Variants in CUX2 observed in about 807,000 individuals in gnomAD.
CUX2 encodes homeobox protein cut-like 2.
In CUX2, 40 loss-of-function variants were observed where a neutral mutation model predicts 144.8. That is an observed-to-expected ratio of 0.28 (90% CI 0.21 to 0.36). The LOEUF is 0.36. Among genes scored for constraint, CUX2 ranks in the 10% least tolerant of loss-of-function variants. CUX2 has a pLI of 1.00. For synonymous variants in CUX2, 827 were observed against 875.6 expected (o/e 0.94, Z 0.98); for missense variants, 1,615 against 1,994.0 (o/e 0.81, Z 3.62).
At chr12:111,253,065 A>T (rs1427443032) in intron 3 of CUX2, among the ~76,000 whole-genome samples, 1 of 151,806 alleles carries the variant, frequency 6.6e-6, no homozygotes, top group East Asian at 1.9e-4. Flanking sequence ...CACTGCCACC[A>T]TCCTGCTCTG....
At chr12:111,296,571 C>A (rs533735559) in intron 8 of CUX2, 32 bp downstream of exon 8, 3 of 1,586,040 alleles carry the variant, frequency 1.9e-6, no homozygotes, top group Middle Eastern at 1.7e-4. Flanking sequence ...GTACCTCCTC[C>A]CTTGGAGGCC....
chr12:111,303,151 T>C (rs1022774910), intron 9 of CUX2, among the ~76,000 whole-genome samples: 2 of 140,598 alleles, frequency 1.4e-5, no homozygotes, highest in African/African-American at 5.5e-5. Flanking sequence ...ATCCCGGGAG[T>C]TGGAGGTTGC....
At position 111,191,528 on chromosome 12, in the gene CUX2, A is replaced by G. The variant is rs576688666; in HGVS notation, c.64-22672A>G. On this transcript the variant is annotated intron_variant, in intron 1 of 21. Transcript: ENST00000261726. ...GTATTTTTAGCAGAGACGGGGTTTC[A>G]CCATGTTGGCCAGGCTGCAGAACCT... Among the ~76,000 whole-genome samples, 45 of 152,148 alleles carry G rather than the reference A, an allele frequency of 3.0e-4. 2 individuals carry two copies. The highest frequency in any genetic ancestry group is 2.7e-3 in the Admixed American group (42 of 15,304).
intron 16 of CUX2, among the ~76,000 whole-genome samples, chr12:111,316,093 G>A (rs1348484264): frequency 6.6e-6 from 1 of 151,150 alleles, no homozygotes; most frequent in South Asian, 2.1e-4. Flanking sequence ...TAGTAGGCAA[G>A]TATGAGTTTT....
intron 1 of CUX2, among the ~76,000 whole-genome samples, chr12:111,120,815 T>C (rs1475274373): frequency 1.3e-5 from 2 of 152,212 alleles, no homozygotes; most frequent in Non-Finnish European, 2.9e-5. Context: ...AACGTGTTTG[T>C]GCTTCCTCGG....
Position 111,310,640 on chromosome 12 carries a change from CA to C in CUX2, c.1859del (p.Gln620ArgfsTer36). The C allele has an allele frequency of 6.2e-7, 1 of 1,607,246 alleles. No individual in the cohort carries two copies. The highest frequency in any genetic ancestry group is 8.5e-7 in the Non-Finnish European group (1 of 1,175,110). On this transcript the variant is annotated frameshift_variant, in exon 15 of 22. Coordinates refer to ENST00000261726, the MANE Select transcript of CUX2 (RefSeq NM_015267.4). LOFTEE classifies it high-confidence loss of function. The surrounding 1 kb of genome is among the most constrained non-coding windows in gnomAD (Gnocchi z 7.9). ...IKMKQFLSDE[Q>X]NVLALRTIQV... ...GATGAAGCAGTTCCTGTCGGATGAG[CA>C]GAATGTACTGGCGCTCAGGACCATC...
intron 1 of CUX2, among the ~76,000 whole-genome samples, chr12:111,130,172 C>T (rs1192175516): frequency 6.6e-6 from 1 of 152,162 alleles, no homozygotes; most frequent in African/African-American, 2.4e-5. Flanking sequence ...AAGGTCCTCC[C>T]TTAAGGGGAC....
chr12:111,136,749 C>T (rs544097313), intron 1 of CUX2, among the ~76,000 whole-genome samples: 1 of 152,318 alleles, frequency 6.6e-6, no homozygotes, highest in East Asian at 1.9e-4. Flanking sequence ...AGGTTTGGAT[C>T]TCTGGGAGCC....
intron 19 of CUX2, 100 bp from the exon 20 acceptor site, chr12:111,338,186 A>G: frequency 7.8e-7 from 1 of 1,287,328 alleles, no homozygotes; most frequent in Non-Finnish European, 1.1e-6. Context: ...GATAGCCTCG[A>G]GGCTCTCCCC....
intron 16 of CUX2, among the ~76,000 whole-genome samples, chr12:111,315,854 CAAAAAAGA>C (rs973503710): frequency 6.6e-5 from 10 of 151,142 alleles, no homozygotes; most frequent in Non-Finnish European, 1.2e-4. Flanking sequence ...ACCCTGTCTC[CAAAAAAGA>C]AAAAAAGAAA....
intron 21 of CUX2, among the ~76,000 whole-genome samples, chr12:111,342,956 CAA>C (rs11314694): frequency 0.058 from 3,942 of 68,476 alleles, 120 homozygotes; most frequent in East Asian, 0.17. Context: ...GAGACTATCT[CAA>C]AAAAAAAAAA....
intron 4 of CUX2, among the ~76,000 whole-genome samples, chr12:111,265,405 G>C (rs1057427425): frequency 6.6e-6 from 1 of 151,082 alleles, no homozygotes; most frequent in South Asian, 2.1e-4. Flanking sequence ...GCAGTAGCGC[G>C]ATCTCAGCTC....
chr12:111,347,566 T>G lies in CUX2; in HGVS notation c.3702T>G (p.Asp1234Glu), dbSNP rs1353211680. 9.3e-6 allele frequency: 15 copies of G among 1,610,992 alleles called. No homozygotes were observed. In the Middle Eastern group the frequency reaches 5.0e-4, roughly 53 times the overall value. ...AGATGTTGGTGGAGGGGACCCAGGA[T>G]GAGCCAGACCTTGATCCAAGCGGGG... is the stretch of plus-strand genomic sequence containing the variant. ...RREMLVEGTQ[D>E]EPDLDPSGGP... The change falls in exon 22 of 22, where the codon GAT (aspartate) becomes GAG (glutamate). Residue 1234 changes from aspartate (D) to glutamate (E), a missense_variant. Transcript: ENST00000261726.
rs184370843 is a variant in CUX2 at position 111,160,884 on chromosome 12, C to A, written c.64-53316C>A. ...CTGAACAGCTGGGTGGACTCCGTGC[C>A]GCTTCCTGCCATGGGGAAGATGCAG... On this transcript the variant is annotated intron_variant, in intron 1 of 21. Transcript: ENST00000261726. The surrounding 1 kb of genome is among the most constrained non-coding windows in gnomAD (Gnocchi z 4.1). Among the ~76,000 whole-genome samples, 1 of 152,100 alleles carries A rather than the reference C, an allele frequency of 6.6e-6. No individual in the cohort carries two copies.
intron 1 of CUX2, among the ~76,000 whole-genome samples, chr12:111,052,145 C>T (rs985806202): frequency 3.3e-5 from 5 of 152,074 alleles, no homozygotes; most frequent in South Asian, 2.1e-4. Context: ...TCTCTGCCTG[C>T]GACACTCTTC....
At chr12:111,036,451 C>A (rs1869450248) in intron 1 of CUX2, among the ~76,000 whole-genome samples, 1 of 152,110 alleles carries the variant, frequency 6.6e-6, no homozygotes, top group Non-Finnish European at 1.5e-5. Flanking sequence ...TGAGGTCACC[C>A]AAATCTTGAT....
intron 1 of CUX2, among the ~76,000 whole-genome samples, chr12:111,134,081 T>C (rs919012293): frequency 6.6e-6 from 1 of 152,200 alleles, no homozygotes; most frequent in Non-Finnish European, 1.5e-5. Flanking sequence ...GCCCTGCAGC[T>C]ACAGGAGATT....
intron 19 of CUX2, 119 bp downstream of exon 19, chr12:111,334,829 G>C: frequency 8.9e-7 from 1 of 1,119,158 alleles, no homozygotes; most frequent in Non-Finnish European, 1.3e-6. Context: ...AGTGCTTTGG[G>C]AGGCCAGGGA....
intron 1 of CUX2, among the ~76,000 whole-genome samples, chr12:111,132,557 CTTTTTTTT>C (rs1182564665): frequency 3.1e-4 from 30 of 97,152 alleles, no homozygotes; most frequent in African/African-American, 1.4e-3. Flanking sequence ...GCTCTGTTTC[CTTTTTTTT>C]TTTTTTTTTT....
Sources: allele counts gnomAD v4.1 joint callset (sites outside exome capture counted in the v4.1 genomes callset), GRCh38; gene constraint gnomAD v4.1.1; non-coding constraint Gnocchi (gnomAD v3.1); transcripts MANE v1.5; gene names NCBI Gene and HGNC (gene_info 2026-07-23, HGNC 2026-07-21).